SPART: variants seen among roughly 807,000 people sequenced by gnomAD.
SPART encodes spartin.
In SPART, 35 loss-of-function variants were observed where a neutral mutation model predicts 58.7. That is an observed-to-expected ratio of 0.60 (90% CI 0.46 to 0.79). The LOEUF is 0.79. Among genes scored for constraint, SPART ranks in the 30% least tolerant of loss-of-function variants. The pLI is 0.00. For missense variants in SPART, 730 were observed against 786.1 expected (o/e 0.93, Z 0.85); for synonymous variants, 284 against 280.7 (o/e 1.01, Z -0.12).
intron 1 of SPART, chr13:36,345,711 A>T (rs1885036202): frequency 6.6e-6 from 1 of 152,190 alleles, no homozygotes; most frequent in Non-Finnish European, 1.5e-5. Flanking sequence ...AGCATGAAAG[A>T]ATGTATTGTA....
intron 1 of SPART, among the ~76,000 whole-genome samples, chr13:36,359,060 A>G (rs1885735684): frequency 6.6e-6 from 1 of 152,258 alleles, no homozygotes; most frequent in African/African-American, 2.4e-5. Context: ...GTAGAAGCTC[A>G]GAAAGTTTAT....
intron 3 of SPART, 115 bp downstream of exon 3, chr13:36,331,284 G>T: frequency 2.2e-6 from 2 of 910,776 alleles, no homozygotes; most frequent in Non-Finnish European, 1.8e-6. Context: ...AACAAATGGT[G>T]AACTGTCAGT....
At position 36,314,271 on chromosome 13, in the gene SPART, G is replaced by C; in HGVS notation, c.1439C>G (p.Ala480Gly). Reference protein sequence around the residue: ...SPAVTKGLYIAKQATGGAAKV... With the variant: ...SPAVTKGLYIGKQATGGAAKV... ...TGCTGCTCCTCCTGTAGCTTGCTTC[G>C]CTATATAAAGTCCCTTGGTGACAGC... Residue 480 changes from alanine to glycine, a missense_variant, in exon 6 of 9, where the codon GCG becomes GGG. By Grantham distance (60) the Ala-to-Gly change is moderately conservative (BLOSUM62 0). Coordinates refer to ENST00000438666, the MANE Select transcript of SPART (RefSeq NM_015087.5). 6.2e-7 allele frequency: 1 copy of C among 1,614,014 alleles called. No homozygotes were observed. Among genetic ancestry groups the C allele is most frequent in the South Asian group, 1.1e-5 (1 of 91,080 alleles).
intron 5 of SPART, chr13:36,325,952 TCTA>T (rs1882886636): frequency 6.6e-6 from 1 of 152,336 alleles, no homozygotes. Context: ...TTCTCACAAT[TCTA>T]GAGGCTGGGA....
At position 36,333,431 on chromosome 13, in the gene SPART, T is replaced by A. The variant is rs75529004; in HGVS notation, c.810+1590A>T. 7.2e-3 allele frequency among the ~76,000 whole-genome samples: 622 copies of A among 85,982 alleles called. 3 individuals carry two copies. The highest frequency in any genetic ancestry group is 0.031 in the African/African-American group (439 of 13,938). 56.4% of individuals were successfully genotyped at this position (85,982 alleles called of 152,430 possible). ...GTATTTAGTTGGATTATTATTGTAT[T>A]TTTTTTTTTTTTTTGGATAAAAACA... On this transcript the variant is annotated intron_variant, in intron 2 of 8. Transcript: ENST00000438666.
At position 36,324,069 on chromosome 13, in the gene SPART, C is replaced by G. The variant is rs562937931; in HGVS notation, c.1288+2506G>C. ...TAGGAGGCCTGAGATTTAGTGGCAG[C>G]TGATGAAAAAATTTCTGAAGATGAC... On this transcript the variant is annotated intron_variant, in intron 5 of 8. Transcript: ENST00000438666. Among the ~76,000 whole-genome samples the G allele has an allele frequency of 2.0e-5, 3 of 152,296 alleles. No individual in the cohort carries two copies. The South Asian group carries it at 6.2e-4, about 32-fold the overall frequency.
chr13:36,302,046 A>T lies in SPART; in HGVS notation c.*2319T>A, dbSNP rs1395692450. ...TATATGTAGAAAGCTTCAAAAAATG[A>T]AACAGTATGTTTGGAGAACATACAT... is the stretch of plus-strand genomic sequence containing the variant. On this transcript the variant is annotated 3_prime_UTR_variant, in exon 9 of 9. Coordinates refer to ENST00000438666, the MANE Select transcript of SPART (RefSeq NM_015087.5). The T allele has an allele frequency of 1.3e-5, 2 of 152,200 alleles. No homozygotes were observed. The highest frequency in any genetic ancestry group is 2.4e-5 in the African/African-American group (1 of 41,456). 9.4% of individuals were successfully genotyped at this position (152,200 alleles called of 1,614,324 possible). A position where few individuals can be genotyped will look rare whatever the true frequency, so the allele number is the denominator to read the frequency against.
At chr13:36,331,661 T>C in intron 2 of SPART, 65 bp from the exon 3 acceptor site, 1 of 1,215,374 alleles carries the variant, frequency 8.2e-7, no homozygotes, top group Non-Finnish European at 1.2e-6. Flanking sequence ...TTTTCATTTA[T>C]GTTTTAATAA....
intron 1 of SPART, 120 bp from the exon 2 acceptor site, chr13:36,335,952 T>C: frequency 2.5e-6 from 2 of 792,966 alleles, no homozygotes; most frequent in Non-Finnish European, 4.3e-6. Flanking sequence ...TTTTGTTCAC[T>C]ATTATACTAT....
chr13:36,306,947 A>C (rs1017778082), intron 8 of SPART, among the ~76,000 whole-genome samples: 27 of 152,202 alleles, frequency 1.8e-4, no homozygotes, highest in Admixed American at 1.1e-3. Context: ...ATACTATAAA[A>C]CAGCTTTTCA....
chr13:36,355,647 G>A (rs1312004936), intron 1 of SPART, among the ~76,000 whole-genome samples: 1 of 152,162 alleles, frequency 6.6e-6, no homozygotes, highest in Non-Finnish European at 1.5e-5. Flanking sequence ...GAAGTTTCTA[G>A]TAAGTGTAAA....
intron 4 of SPART, among the ~76,000 whole-genome samples, chr13:36,328,799 A>G (rs769990175): frequency 2.4e-4 from 36 of 152,208 alleles, no homozygotes; most frequent in Non-Finnish European, 4.1e-4. Context: ...CCATCCATAA[A>G]AAAACAGGAA....
chr13:36,359,015 A>G (rs1433915693), intron 1 of SPART, among the ~76,000 whole-genome samples: 2 of 152,162 alleles, frequency 1.3e-5, no homozygotes, highest in Non-Finnish European at 2.9e-5. Flanking sequence ...CCCACCCCCA[A>G]TGAACAAATA....
chr13:36,304,463 G>A lies in SPART; in HGVS notation c.1903C>T (p.Gln635Ter). The change falls in exon 9 of 9, where the codon CAG (glutamine) becomes TAG (stop). Residue 635 changes from glutamine to a stop codon, truncating the protein, a stop_gained. Transcript: ENST00000438666. LOFTEE classifies it low-confidence loss of function (END_TRUNC). ...LEDYQIVDNS[Q>*]RENQEGAANV... Reference sequence around the variant, plus strand: ...GCTGCTCCTTCTTGATTTTCCCTCTGAGAATTATCAACTATCTGATAGTCC... The same window carrying A: ...GCTGCTCCTTCTTGATTTTCCCTCTAAGAATTATCAACTATCTGATAGTCC... 1 of 1,614,008 alleles carries A rather than the reference G, an allele frequency of 6.2e-7. No homozygotes were observed. Among genetic ancestry groups the A allele is most frequent in the Non-Finnish European group, 8.5e-7 (1 of 1,179,994 alleles).
chr13:36,338,823 C>G (rs1378963283), intron 1 of SPART, among the ~76,000 whole-genome samples: 5 of 151,992 alleles, frequency 3.3e-5, no homozygotes, highest in African/African-American at 1.2e-4. Flanking sequence ...GGAATCTGAT[C>G]ATCACCAAGA....
At chr13:36,353,322 T>A (rs963545677) in intron 1 of SPART, among the ~76,000 whole-genome samples, 4 of 152,196 alleles carry the variant, frequency 2.6e-5, no homozygotes, top group African/African-American at 7.2e-5. Flanking sequence ...TCCTCGAGAC[T>A]GTAAGCCCCT....
At chr13:36,308,994 C>T (rs999460423) in intron 8 of SPART, among the ~76,000 whole-genome samples, 3 of 152,084 alleles carry the variant, frequency 2.0e-5, no homozygotes, top group African/African-American at 7.2e-5. Flanking sequence ...CCTGTAATCC[C>T]AGAACTTTGG....
At chr13:36,367,617 A>T (rs904942740) in intron 1 of SPART, among the ~76,000 whole-genome samples, 2 of 150,514 alleles carry the variant, frequency 1.3e-5, no homozygotes, top group Non-Finnish European at 3.0e-5. Context: ...TTAAAAAAAA[A>T]ACTTAAAATA....
chr13:36,344,991 T>C (rs1884935474), intron 1 of SPART, among the ~76,000 whole-genome samples: 1 of 152,190 alleles, frequency 6.6e-6, no homozygotes. Flanking sequence ...AAAGGTAAAA[T>C]TCTGCATTAA....
Sources: gnomAD v4.1 joint callset for allele counts (sites outside exome capture counted in the v4.1 genomes callset) on GRCh38, gnomAD v4.1.1 for gene constraint, MANE v1.5 for transcripts, NCBI Gene and HGNC (gene_info 2026-07-23, HGNC 2026-07-21) for gene names.